Variants in CDH13 observed in about 807,000 individuals in gnomAD.
CDH13 encodes the protein cadherin 13.
Under a neutral mutation model 63.8 loss-of-function variants are expected in CDH13, and 24 were observed. The ratio of observed to expected loss-of-function variants is 0.38; its 90% CI spans 0.27 to 0.53. CDH13 has a LOEUF of 0.53. CDH13 is among the 20% of genes least tolerant of loss of function. CDH13 has a pLI of 0.85. For missense variants in CDH13, 1,049 were observed against 903.1 expected (o/e 1.16, Z -2.07); for synonymous variants, 503 against 355.3 (o/e 1.42, Z -4.67).
At chr16:83,776,982 G>C (rs1915159705) in intron 11 of CDH13, among the ~76,000 whole-genome samples, 1 of 143,474 alleles carries the variant, frequency 7.0e-6, no homozygotes, top group South Asian at 2.2e-4. Flanking sequence ...TGAATTCAAG[G>C]GGTCGTTAGC....
At chr16:83,427,122 T>A (rs2071934681) in intron 6 of CDH13, among the ~76,000 whole-genome samples, 2 of 151,664 alleles carry the variant, frequency 1.3e-5, no homozygotes, top group Non-Finnish European at 2.9e-5. Flanking sequence ...GAGACGGGGT[T>A]TCACCGTGGT....
intron 6 of CDH13, among the ~76,000 whole-genome samples, chr16:83,447,143 G>A (rs1387744574): frequency 4.1e-5 from 3 of 73,926 alleles, no homozygotes; most frequent in Non-Finnish European, 5.9e-5. Context: ...TGCTGGATGC[G>A]GTGGCTCACG....
chr16:83,313,422 A>G (rs1381331840), intron 5 of CDH13, among the ~76,000 whole-genome samples: 2 of 152,182 alleles, frequency 1.3e-5, no homozygotes, highest in Non-Finnish European at 2.9e-5. Flanking sequence ...TCATGCCCCT[A>G]AACTTTCAGC....
chr16:83,168,356 C>T (rs2037775030), intron 4 of CDH13, among the ~76,000 whole-genome samples: 1 of 151,944 alleles, frequency 6.6e-6, no homozygotes, highest in African/African-American at 2.4e-5. Flanking sequence ...AACACGCATA[C>T]ATGTATGTAT....
intron 7 of CDH13, among the ~76,000 whole-genome samples, chr16:83,572,749 C>T (rs1904760377): frequency 6.6e-6 from 1 of 152,308 alleles, no homozygotes; most frequent in Non-Finnish European, 1.5e-5. Context: ...TCGGAACAGA[C>T]CCAAAATATG....
At chr16:82,864,672 C>G (rs2040060480) in intron 2 of CDH13, among the ~76,000 whole-genome samples, 1 of 152,202 alleles carries the variant, frequency 6.6e-6, no homozygotes, top group East Asian at 1.9e-4. Context: ...GATTACAATT[C>G]AAGATGAGAT....
intron 7 of CDH13, among the ~76,000 whole-genome samples, chr16:83,550,967 T>C (rs2075479064): frequency 6.6e-6 from 1 of 152,152 alleles, no homozygotes; most frequent in Non-Finnish European, 1.5e-5. Flanking sequence ...CCTTGTCTTC[T>C]TTCTCTGAAG....
chr16:82,795,944 CT>C (rs74501986), intron 1 of CDH13, among the ~76,000 whole-genome samples: 37,760 of 136,046 alleles, frequency 0.28, 5,229 homozygotes, highest in South Asian at 0.42. Context: ...ACCCTTCATT[CT>C]TTTTTTTTTT....
intron 1 of CDH13, among the ~76,000 whole-genome samples, chr16:82,752,882 A>C (rs1276975047): frequency 2.0e-5 from 3 of 152,228 alleles, no homozygotes; most frequent in African/African-American, 7.2e-5. Context: ...GCACCCCATT[A>C]TTGTACCCCA....
intron 1 of CDH13, among the ~76,000 whole-genome samples, chr16:82,778,430 A>G (rs188054772): frequency 1.5e-4 from 23 of 152,226 alleles, no homozygotes; most frequent in Non-Finnish European, 2.2e-4. Flanking sequence ...CGTTGCTGCT[A>G]TGTACTTTCT....
intron 1 of CDH13, among the ~76,000 whole-genome samples, chr16:82,717,495 G>A (rs1597394018): frequency 5.9e-5 from 9 of 151,350 alleles, no homozygotes; most frequent in Middle Eastern, 3.4e-3. Context: ...TTACAATCCT[G>A]GAAGGCAACT....
intron 6 of CDH13, among the ~76,000 whole-genome samples, chr16:83,423,957 A>C (rs1239624515): frequency 6.6e-6 from 1 of 152,250 alleles, no homozygotes; most frequent in Non-Finnish European, 1.5e-5. Flanking sequence ...TACAAGTAAG[A>C]AACGTGAATA....
intron 8 of CDH13, among the ~76,000 whole-genome samples, chr16:83,629,586 A>G (rs1445297213): frequency 1.3e-5 from 2 of 152,140 alleles, no homozygotes; most frequent in Admixed American, 1.3e-4. Context: ...TTCATAAGCT[A>G]TTTCTCATGT....
At chr16:82,887,613 G>A (rs898465450) in intron 2 of CDH13, among the ~76,000 whole-genome samples, 1 of 152,192 alleles carries the variant, frequency 6.6e-6, no homozygotes, top group Non-Finnish European at 1.5e-5. Context: ...GTGAGGTCAG[G>A]AGTTCGAGAC....
intron 1 of CDH13, among the ~76,000 whole-genome samples, chr16:82,664,387 G>A (rs1567603667): frequency 6.6e-6 from 1 of 152,222 alleles, no homozygotes; most frequent in Non-Finnish European, 1.5e-5. Context: ...CCTGGTGCCT[G>A]AGAGAGCGAG....
intron 1 of CDH13, among the ~76,000 whole-genome samples, chr16:82,687,411 A>C (rs925890384): frequency 2.0e-5 from 3 of 152,174 alleles, no homozygotes; most frequent in Non-Finnish European, 2.9e-5. Context: ...GACATACCTG[A>C]GGCAGGGTAG....
intron 5 of CDH13, among the ~76,000 whole-genome samples, chr16:83,278,573 A>G (rs2089064850): frequency 6.6e-6 from 1 of 152,178 alleles, no homozygotes. Flanking sequence ...GAAACATACA[A>G]CAGGCTCTGG....
chr16:82,856,534 A>G (rs1384931360), intron 1 of CDH13, among the ~76,000 whole-genome samples: 1 of 151,214 alleles, frequency 6.6e-6, no homozygotes. Flanking sequence ...AAACCTCCTC[A>G]GTACAAAAAA....
rs1293136306 is a variant in CDH13, at chr16:83,240,372, G to T, written c.636+22875G>T. 2.6e-5 allele frequency among the ~76,000 whole-genome samples: 4 copies of T among 152,238 alleles called. No homozygotes were observed. The South Asian group carries it at 8.3e-4, about 32-fold the overall frequency. ...TGAAGGTTTTGGACAGAGGCAGGAT[G>T]TGTTCAGATATCTCTTTCACCAGGA... is the stretch of plus-strand genomic sequence containing the variant. On this transcript the variant is annotated intron_variant, in intron 5 of 13. Transcript: ENST00000567109.
Sources: gnomAD v4.1 joint callset for allele counts (sites outside exome capture counted in the v4.1 genomes callset) on GRCh38, gnomAD v4.1.1 for gene constraint, MANE v1.5 for transcripts, NCBI Gene and HGNC (gene_info 2026-07-23, HGNC 2026-07-21) for gene names.